TTLL11: variants seen among roughly 807,000 people sequenced by gnomAD.
TTLL11 encodes the protein tubulin tyrosine ligase like 11.
In TTLL11, 42 loss-of-function variants were observed where a neutral mutation model predicts 51.7. That is an observed-to-expected ratio of 0.81 (90% confidence interval 0.64 to 1.05). The LOEUF (loss-of-function observed/expected upper bound fraction) is 1.05. TTLL11 is among the 50% of genes least tolerant of loss of function. TTLL11 has a pLI of 0.00. For missense variants in TTLL11, 799 were observed against 940.4 expected (o/e 0.85, Z 1.97); for synonymous variants, 381 against 383.5 (o/e 0.99, Z 0.08).
At position 121,995,146 on chromosome 9, in the gene TTLL11, A is replaced by G. The variant is rs2131707445; in HGVS notation, c.694-5376T>C. ...GAGATCTGGGGTCGTCAGGCCCCCA[A>G]GGATGGCCAAGGCCCTCGCAATGGG... On this transcript the variant is annotated intron_variant, in intron 3 of 8. Coordinates refer to ENST00000321582, the MANE Select transcript of TTLL11 (RefSeq NM_001139442.2). The surrounding 1 kb of genome is among the most constrained non-coding windows in gnomAD (Gnocchi z 4.4). 6.6e-6 allele frequency among the ~76,000 whole-genome samples: 1 copy of G among 152,334 alleles called. No individual in the cohort carries two copies. The highest frequency in any genetic ancestry group is 2.1e-4 in the South Asian group (1 of 4,826).
intron 4 of TTLL11, among the ~76,000 whole-genome samples, chr9:121,978,692 T>C (rs1201830212): frequency 6.6e-6 from 1 of 152,148 alleles, no homozygotes; most frequent in Non-Finnish European, 1.5e-5. Flanking sequence ...TTTAAAGATA[T>C]CTGTCCTTCA....
chr9:121,898,210 G>A (rs754614013), intron 6 of TTLL11, among the ~76,000 whole-genome samples: 2 of 152,148 alleles, frequency 1.3e-5, no homozygotes, highest in Non-Finnish European at 2.9e-5. Context: ...CACCATGTCC[G>A]GCTCCATTCT....
intron 6 of TTLL11, among the ~76,000 whole-genome samples, chr9:121,968,762 T>A (rs188895269): frequency 6.6e-6 from 1 of 152,032 alleles, no homozygotes; most frequent in Admixed American, 6.6e-5. Context: ...GGTTTCACCA[T>A]ATTGGCCAGG....
intron 1 of TTLL11, among the ~76,000 whole-genome samples, chr9:122,078,536 G>A (rs1845917890): frequency 1.3e-5 from 2 of 152,174 alleles, no homozygotes; most frequent in South Asian, 4.1e-4. Context: ...TGTCAGTAGT[G>A]CATAAAGTTC....
chr9:122,085,626 A>T (rs1846104017), intron 1 of TTLL11, among the ~76,000 whole-genome samples: 1 of 152,160 alleles, frequency 6.6e-6, no homozygotes, highest in South Asian at 2.1e-4. Context: ...TTTATATTAA[A>T]TTTTCCCCCT....
chr9:121,992,930 ATAT>A (rs1323980083), intron 3 of TTLL11, among the ~76,000 whole-genome samples: 5 of 152,246 alleles, frequency 3.3e-5, no homozygotes, highest in African/African-American at 1.2e-4. Context: ...TACAAATGAA[ATAT>A]TATTCAGCCT....
At chr9:121,882,016 C>T (rs7038213) in intron 6 of TTLL11, among the ~76,000 whole-genome samples, 110,826 of 152,138 alleles carry the variant, frequency 0.73, 40,931 homozygotes, top group East Asian at 0.9. Context: ...GGGATAATAA[C>T]TCTCCCTATG....
chr9:121,889,540 C>T (rs1320020885), intron 6 of TTLL11, among the ~76,000 whole-genome samples: 2 of 152,144 alleles, frequency 1.3e-5, no homozygotes, highest in Non-Finnish European at 1.5e-5. Context: ...GACTCCCCCA[C>T]ATCACCCCCA....
intron 1 of TTLL11, among the ~76,000 whole-genome samples, chr9:122,082,576 A>T (rs996234384): frequency 2.0e-5 from 3 of 152,096 alleles, no homozygotes; most frequent in African/African-American, 7.2e-5. Context: ...AAGAAAACAC[A>T]TAGAAACAAC....
At chr9:122,026,967 T>A (rs1449933939) in intron 3 of TTLL11, among the ~76,000 whole-genome samples, 3 of 148,090 alleles carry the variant, frequency 2.0e-5, no homozygotes, top group African/African-American at 5.0e-5. Flanking sequence ...CACACTGCTA[T>A]AAAGAAATAC....
chr9:121,950,390 C>T (rs911949808), intron 6 of TTLL11, among the ~76,000 whole-genome samples: 6 of 152,140 alleles, frequency 3.9e-5, no homozygotes, highest in Non-Finnish European at 8.8e-5. Flanking sequence ...CCCAACCATA[C>T]CAGATAGGTG....
At chr9:121,956,935 G>T (rs559313866) in intron 6 of TTLL11, among the ~76,000 whole-genome samples, 1 of 152,160 alleles carries the variant, frequency 6.6e-6, no homozygotes, top group Admixed American at 6.5e-5. Flanking sequence ...CCAGTCCTAC[G>T]CCTTGCTGAC....
In TTLL11 at chr9:121,873,642, CT is replaced by C. The variant is rs1564282908; in HGVS notation, c.1482-2895del. 4.9e-3 allele frequency among the ~76,000 whole-genome samples: 656 copies of C among 134,022 alleles called. 1 individual carries two copies. The highest frequency in any genetic ancestry group is 7.2e-3 in the Middle Eastern group (2 of 276). 87.9% of individuals were successfully genotyped at this position (134,022 alleles called of 152,430 possible). ...TCCTCCTCCTCCTCCTCCTCCTCCT[CT>C]CTTCTTCTTCTTCTTCTTCTTCTTC... On this transcript the variant is annotated intron_variant, in intron 6 of 8. Coordinates refer to ENST00000321582, the MANE Select transcript of TTLL11 (RefSeq NM_001139442.2).
chr9:121,946,506 G>A (rs961452623), intron 6 of TTLL11, among the ~76,000 whole-genome samples: 5 of 152,160 alleles, frequency 3.3e-5, no homozygotes, highest in African/African-American at 1.2e-4. Flanking sequence ...CATACCTGGG[G>A]CCAGCCTTCA....
chr9:122,015,816 AAAAAAAAG>A (rs1843953177), intron 3 of TTLL11, among the ~76,000 whole-genome samples: 2 of 151,922 alleles, frequency 1.3e-5, no homozygotes, highest in African/African-American at 4.8e-5. Flanking sequence ...ACAAAAAAAA[AAAAAAAAG>A]AAAGAAAGTA....
At chr9:121,957,327 C>T (rs939152372) in intron 6 of TTLL11, among the ~76,000 whole-genome samples, 6 of 152,274 alleles carry the variant, frequency 3.9e-5, no homozygotes, top group African/African-American at 1.4e-4. Flanking sequence ...GTCAATCTGT[C>T]CCTACAGACT....
intron 2 of TTLL11, among the ~76,000 whole-genome samples, chr9:122,032,250 G>C (rs1345543641): frequency 1.3e-5 from 2 of 152,002 alleles, no homozygotes; most frequent in African/African-American, 4.8e-5. Flanking sequence ...CTTCCGTCTT[G>C]TACCCTAGAG....
intron 2 of TTLL11, among the ~76,000 whole-genome samples, chr9:122,036,299 G>A (rs1235207516): frequency 6.6e-6 from 1 of 151,772 alleles, no homozygotes; most frequent in African/African-American, 2.4e-5. Context: ...CCCTCCTCAG[G>A]TGGGCTCTCA....
At chr9:122,026,618 A>G (rs2131795833) in intron 3 of TTLL11, among the ~76,000 whole-genome samples, 1 of 152,232 alleles carries the variant, frequency 6.6e-6, no homozygotes, top group African/African-American at 2.4e-5. Flanking sequence ...TGTCGATTAT[A>G]TCTCAATAAA....
Sources: gnomAD v4.1 joint callset for allele counts (sites outside exome capture counted in the v4.1 genomes callset) on GRCh38, gnomAD v4.1.1 for gene constraint, Gnocchi (gnomAD v3.1) non-coding constraint, MANE v1.5 for transcripts, NCBI Gene and HGNC (gene_info 2026-07-23, HGNC 2026-07-21) for gene names.